The following TRIQK variants were observed in gnomAD, a reference collection of about 807,000 sequenced individuals.
TRIQK encodes the protein triple QxxK/R motif containing.
TRIQK carries 10 observed loss-of-function variants against 10.8 expected under a neutral mutation model. The observed-to-expected ratio is 0.92, with a 90% CI of 0.57 to 1.57. The LOEUF (loss-of-function observed/expected upper bound fraction) is 1.57, where lower values mean the gene tolerates loss of function less well. Among genes scored for constraint, TRIQK ranks in the 40% most tolerant of loss-of-function variants. The probability of loss-of-function intolerance (pLI) is 0.00; values close to 1 mark genes in which losing one functional copy is unlikely to be tolerated. For missense variants in TRIQK, 107 were observed against 97.7 expected, an observed-to-expected ratio of 1.09 and a Z score of -0.40; for synonymous variants, 33 against 33.7, an observed-to-expected ratio of 0.98 and a Z score of 0.07.
chr8:92,985,818 C>G (rs1813026058), intron 1 of TRIQK, among the ~76,000 whole-genome samples: 1 of 152,026 alleles, frequency 6.6e-6, no homozygotes, highest in Non-Finnish European at 1.5e-5. Context: ...GGATCCTATC[C>G]TTTCATATTT....
chr8:92,893,131 T>C lies in TRIQK; in HGVS notation c.62-1057A>G, dbSNP rs1816844932. On this transcript the variant is annotated intron_variant, in intron 3 of 4. Transcript: ENST00000521988. ...TTCTAACATTAATTTCCACATCTTC[T>C]TCACATTGAAATAAATTGAAAAGCA... Among the ~76,000 whole-genome samples the C allele has an allele frequency of 3.3e-5, 5 of 152,020 alleles. No individual in the cohort carries two copies. In the South Asian group the frequency reaches 1.0e-3, roughly 32 times the overall value.
chr8:92,952,074 A>G (rs961204176), intron 2 of TRIQK, among the ~76,000 whole-genome samples: 1 of 151,840 alleles, frequency 6.6e-6, no homozygotes, highest in Non-Finnish European at 1.5e-5. Flanking sequence ...AAGGCATACT[A>G]AAAGGGAAAA....
intron 3 of TRIQK, among the ~76,000 whole-genome samples, chr8:92,906,923 G>T (rs754418386): frequency 6.6e-6 from 1 of 151,696 alleles, no homozygotes; most frequent in African/African-American, 2.4e-5. Flanking sequence ...ACTGGACTTA[G>T]TGAACAGCAG....
chr8:92,945,136 C>T (rs1811464399), intron 2 of TRIQK, among the ~76,000 whole-genome samples: 1 of 152,106 alleles, frequency 6.6e-6, no homozygotes, highest in Admixed American at 6.6e-5. Context: ...CTATGTTGGG[C>T]CCAATTTATG....
chr8:93,004,595 C>T (rs1054390642), intron 1 of TRIQK, among the ~76,000 whole-genome samples: 4 of 152,156 alleles, frequency 2.6e-5, no homozygotes, highest in East Asian at 1.9e-4. Context: ...ATGGTTGAGC[C>T]GCAAATTTTC....
intron 1 of TRIQK, among the ~76,000 whole-genome samples, chr8:92,985,162 T>A (rs1813019831): frequency 6.6e-6 from 1 of 152,220 alleles, no homozygotes; most frequent in Non-Finnish European, 1.5e-5. Flanking sequence ...ATATTGTGCT[T>A]CAAAGTTAAA....
chr8:92,985,773 C>T (rs1461024349), intron 1 of TRIQK, among the ~76,000 whole-genome samples: 1 of 152,044 alleles, frequency 6.6e-6, no homozygotes, highest in East Asian at 1.9e-4. Context: ...CATTTTGTGC[C>T]CAGGCTCTTG....
chr8:93,012,806 TCAAAATGTAGTGCTGGAACCAC>T (rs1813348732), intron 1 of TRIQK, among the ~76,000 whole-genome samples: 2 of 152,192 alleles, frequency 1.3e-5, no homozygotes, highest in African/African-American at 4.8e-5. Context: ...AGTGGCTTTC[TCAAAATGTAGTGCTGGAACCAC>T]CAGCAGCAGC....
chr8:92,884,222 C>T lies in TRIQK; in HGVS notation c.*2400G>A, dbSNP rs1038214745. 3 of 152,046 alleles carry T rather than the reference C, an allele frequency of 2.0e-5. No individual in the cohort carries two copies. The highest frequency in any genetic ancestry group is 7.3e-5 in the African/African-American group (3 of 41,376). The allele number at this position is 152,046 out of a possible 1,614,324, so 9.4% of individuals were successfully genotyped here. ...ACCAGTAGGTATTCAAAAGTGTGGT[C>T]CCTTTAAAACAGCAGGCCGGATATC... On this transcript the variant is annotated 3_prime_UTR_variant, in exon 5 of 5. Coordinates refer to ENST00000521988, the MANE Select transcript of TRIQK (RefSeq NM_001171797.2).
At chr8:92,943,610 T>C (rs1444876624) in intron 2 of TRIQK, among the ~76,000 whole-genome samples, 1 of 152,190 alleles carries the variant, frequency 6.6e-6, no homozygotes, top group Non-Finnish European at 1.5e-5. Flanking sequence ...CTGGGAAAAG[T>C]GGACATCCAC....
intron 1 of TRIQK, among the ~76,000 whole-genome samples, chr8:93,016,911 A>G (rs1813389260): frequency 2.0e-5 from 3 of 152,208 alleles, no homozygotes; most frequent in Admixed American, 6.5e-5. Context: ...GCATATGCAT[A>G]TGATGTAATA....
At chr8:92,935,242 T>C (rs1810925036) in intron 2 of TRIQK, among the ~76,000 whole-genome samples, 1 of 151,766 alleles carries the variant, frequency 6.6e-6, no homozygotes, top group Admixed American at 6.6e-5. Context: ...ACGAAAAATA[T>C]ACTTTTGAAT....
chr8:92,915,899 C>T (rs943517894), intron 3 of TRIQK, among the ~76,000 whole-genome samples: 5 of 151,762 alleles, frequency 3.3e-5, no homozygotes, highest in South Asian at 2.1e-4. Flanking sequence ...CTTTATAGAG[C>T]GTACTTTTTG....
intron 1 of TRIQK, among the ~76,000 whole-genome samples, chr8:92,955,229 C>A (rs182123584): frequency 6.6e-6 from 1 of 151,356 alleles, no homozygotes; most frequent in South Asian, 2.1e-4. Flanking sequence ...TAAAATTTAA[C>A]CCCAACTATT....
chr8:92,968,137 A>C (rs1812835803), upstream of TRIQK, among the ~76,000 whole-genome samples: 1 of 152,146 alleles, frequency 6.6e-6, no homozygotes, highest in South Asian at 2.1e-4. Context: ...GCAAATTGAA[A>C]TATAATTGGC....
chr8:92,949,966 T>G (rs1163167349), intron 2 of TRIQK, among the ~76,000 whole-genome samples: 2 of 152,204 alleles, frequency 1.3e-5, no homozygotes, highest in East Asian at 3.9e-4. Context: ...TTAAGATTCT[T>G]AGGATATAAG....
At chr8:93,008,728 T>C (rs554142769) in intron 1 of TRIQK, among the ~76,000 whole-genome samples, 2 of 152,148 alleles carry the variant, frequency 1.3e-5, no homozygotes, top group Admixed American at 6.5e-5. Flanking sequence ...AGAGCACACA[T>C]TGGTGAAAGG....
In TRIQK at chr8:93,000,127, G is replaced by T. The variant is rs373687435; in HGVS notation, c.-181+17482C>A. Among the ~76,000 whole-genome samples the T allele has an allele frequency of 2.6e-4, 40 of 152,146 alleles. No individual in the cohort carries two copies. The South Asian group carries it at 4.4e-3, about 17-fold the overall frequency. On this transcript the variant is annotated intron_variant, in intron 1 of 4. Coordinates refer to the TRIQK transcript ENST00000520686. ...AAAATTTGCATCAAAATATGAAACA[G>T]GTAGTTAAAGCATAAAATTAGCTTA... is the stretch of plus-strand genomic sequence containing the variant.
chr8:92,887,378 G>A (rs1023605118), intron 4 of TRIQK, among the ~76,000 whole-genome samples: 18 of 151,256 alleles, frequency 1.2e-4, no homozygotes, highest in Admixed American at 9.3e-4. Context: ...TTTGAAGGAT[G>A]GGCCCAGATT....
Sources: gnomAD v4.1 joint callset for allele counts (sites outside exome capture counted in the v4.1 genomes callset) on GRCh38, gnomAD v4.1.1 for gene constraint, MANE v1.5 for transcripts, NCBI Gene and HGNC (gene_info 2026-07-23, HGNC 2026-07-21) for gene names.